PRSS54: variants seen among roughly 807,000 people sequenced by gnomAD.
PRSS54 encodes inactive serine protease 54.
Under a neutral mutation model 19.9 loss-of-function variants are expected in PRSS54, and 16 were observed. The ratio of observed to expected loss-of-function variants is 0.80; its 90% CI spans 0.54 to 1.22. PRSS54 has a LOEUF of 1.22. Ranked by LOEUF, PRSS54 falls within the 50% of genes most tolerant of loss-of-function variation. The pLI is 0.00. For synonymous variants in PRSS54, 177 were observed against 195.8 expected (o/e 0.90, Z 0.80); for missense variants, 444 against 494.8 (o/e 0.90, Z 0.97).
chr16:58,281,220 A>T (rs373124032), intron 6 of PRSS54: 1 of 165,484 alleles, frequency 6.0e-6, no homozygotes, highest in East Asian at 1.6e-4. Flanking sequence ...CCTACTCCCA[A>T]TGGAGCAGTC....
In PRSS54 at chr16:58,291,152, G is replaced by A. The variant is rs759187371; in HGVS notation, c.86-16C>T. ...ACGCCACAACCTGCGGAGCAGGTGC[G>A]GGGCCTCACTGCCGGGGCAAGGAGA... On this transcript the variant is annotated splice_polypyrimidine_tract_variant and intron_variant, in intron 3 of 6. Transcript: ENST00000567164. The A allele has an allele frequency of 6.2e-7, 1 of 1,611,582 alleles. No homozygotes were observed. Among genetic ancestry groups the A allele is most frequent in the Non-Finnish European group, 8.5e-7 (1 of 1,179,132 alleles).
intron 5 of PRSS54, among the ~76,000 whole-genome samples, chr16:58,285,646 A>C (rs143453026): frequency 1.3e-5 from 2 of 149,522 alleles, no homozygotes; most frequent in African/African-American, 4.9e-5. Context: ...GGGCTGAGGC[A>C]GGAAGATCAC....
chr16:58,286,958 AG>A (rs1186228151), intron 4 of PRSS54, among the ~76,000 whole-genome samples: 1 of 152,198 alleles, frequency 6.6e-6, no homozygotes, highest in Non-Finnish European at 1.5e-5. Flanking sequence ...AAAGGAGAAT[AG>A]GGCCCACAGA....
chr16:58,292,366 T>C (rs1412668499), intron 3 of PRSS54, among the ~76,000 whole-genome samples: 2 of 152,008 alleles, frequency 1.3e-5, no homozygotes, highest in Non-Finnish European at 2.9e-5. Flanking sequence ...TAGAGGGATA[T>C]GTGACACAGG....
intron 5 of PRSS54, chr16:58,285,188 C>T (rs9923981): frequency 0.62 from 96,258 of 155,824 alleles, 31,079 homozygotes; most frequent in African/African-American, 0.81. Context: ...AAAACTACCT[C>T]CACTTTGAAC....
Position 58,284,429 on chromosome 16 carries a change from C to G in PRSS54, c.654+161G>C, listed in dbSNP as rs990609430. On this transcript the variant is annotated intron_variant, in intron 6 of 6. Coordinates refer to ENST00000567164, the MANE Select transcript of PRSS54 (RefSeq NM_001305173.2). Reference sequence around the variant, plus strand: ...GTTCATTCAGCAGATTTTTATTGAGCGCATACTGTCTGCCAAGTGCTATTC... The same window carrying G: ...GTTCATTCAGCAGATTTTTATTGAGGGCATACTGTCTGCCAAGTGCTATTC... The G allele has an allele frequency of 2.2e-5, 15 of 680,430 alleles. No homozygotes were observed. In the Admixed American group the frequency reaches 3.4e-4, roughly 15 times the overall value. The allele number at this position is 680,430 out of a possible 1,614,324, so 42.1% of individuals were successfully genotyped here.
At chr16:58,285,102 G>A (rs372954913) in intron 5 of PRSS54, 71 of 165,910 alleles carry the variant, frequency 4.3e-4, no homozygotes, top group Non-Finnish European at 7.4e-4. Flanking sequence ...GGCATGAGCC[G>A]CTGTGCCCTG....
intron 3 of PRSS54, chr16:58,293,447 G>A (rs1040985397): frequency 1.6e-6 from 1 of 644,324 alleles, no homozygotes; most frequent in African/African-American, 2.0e-5. Flanking sequence ...GGCTGGGAGT[G>A]AAGAGGCAGG....
At chr16:58,284,817 A>AATT in intron 5 of PRSS54, 96 bp from the exon 6 acceptor site, 2 of 1,103,244 alleles carry the variant, frequency 1.8e-6, no homozygotes, top group Non-Finnish European at 2.5e-6. Context: ...GAGAGTGAGA[A>AATT]TTTTTTTTTT....
intron 6 of PRSS54, chr16:58,281,677 A>G (rs16960032): frequency 0.1 from 15,802 of 152,312 alleles, 911 homozygotes; most frequent in Admixed American, 0.13. Flanking sequence ...TGGAAGGCCC[A>G]GGCAATGACA....
At chr16:58,290,752 C>T (rs1260280248) in intron 4 of PRSS54, among the ~76,000 whole-genome samples, 2 of 152,182 alleles carry the variant, frequency 1.3e-5, no homozygotes, top group African/African-American at 4.8e-5. Flanking sequence ...TGCATTTTTC[C>T]GTTGCAAGGC....
At position 58,290,952 on chromosome 16, in the gene PRSS54, CA is replaced by C; in HGVS notation, c.263+6del. Reference sequence around the variant, plus strand: ...ATGTTGCGGGCCCCAAAGGCAGGGGCACTGGCCTGTTCTGAATGGCGGATGC... The same window carrying C: ...ATGTTGCGGGCCCCAAAGGCAGGGGCCTGGCCTGTTCTGAATGGCGGATGC... On this transcript the variant is annotated splice_donor_region_variant and intron_variant, in intron 4 of 6. Coordinates refer to ENST00000567164, the MANE Select transcript of PRSS54 (RefSeq NM_001305173.2). 1.9e-6 allele frequency: 3 copies of C among 1,613,970 alleles called. No homozygotes were observed. The South Asian group carries it at 3.3e-5, about 18-fold the overall frequency.
intron 6 of PRSS54, 90 bp from the exon 7 acceptor site, chr16:58,280,847 A>G (rs1964708941): frequency 1.6e-6 from 2 of 1,273,630 alleles, no homozygotes; most frequent in Non-Finnish European, 2.1e-6. Context: ...TGTTCTAGAA[A>G]TGTTTTACGC....
chr16:58,284,779 A>C, intron 5 of PRSS54, 58 bp from the exon 6 acceptor site: 1 of 1,603,870 alleles, frequency 6.2e-7, no homozygotes, highest in South Asian at 1.1e-5. Context: ...CCCCTATGTC[A>C]ACACAACTCC....
In PRSS54 at chr16:58,294,062, C is replaced by T. The variant is rs1448950476; in HGVS notation, c.-84G>A. 2.5e-5 allele frequency: 13 copies of T among 521,164 alleles called. No individual in the cohort carries two copies. Among genetic ancestry groups the T allele is most frequent in the Non-Finnish European group, 4.5e-5 (13 of 288,902 alleles). 32.3% of individuals were successfully genotyped at this position (521,164 alleles called of 1,614,324 possible). A position where few individuals can be genotyped will look rare whatever the true frequency, so the allele number is the denominator to read the frequency against. On this transcript the variant is annotated 5_prime_UTR_variant, in exon 2 of 7. Coordinates refer to ENST00000567164, the MANE Select transcript of PRSS54 (RefSeq NM_001305173.2). ...GCCCGCACTGTGGTTTGTGAGATGG[C>T]CAGAGAAGAGAGGGCAGCTTACTCT...
At position 58,291,140 on chromosome 16, in the gene PRSS54, C is replaced by A. The variant is rs773174141; in HGVS notation, c.86-4G>T. The A allele has an allele frequency of 3.5e-5, 56 of 1,613,242 alleles. 2 individuals are homozygous for A. In the Admixed American group the frequency reaches 7.3e-4, roughly 21 times the overall value. On this transcript the variant is annotated splice_polypyrimidine_tract_variant and splice_region_variant and intron_variant, in intron 3 of 6. Coordinates refer to ENST00000567164, the MANE Select transcript of PRSS54 (RefSeq NM_001305173.2). ...GAAGCTTTCTGGACGCCACAACCTGCGGAGCAGGTGCGGGGCCTCACTGCC... is the reference window on the plus strand; with the variant it reads ...GAAGCTTTCTGGACGCCACAACCTGAGGAGCAGGTGCGGGGCCTCACTGCC...
chr16:58,287,446 C>T (rs191671496), intron 4 of PRSS54, among the ~76,000 whole-genome samples: 116 of 152,288 alleles, frequency 7.6e-4, no homozygotes, highest in African/African-American at 2.6e-3. Context: ...TCTCTGGGCT[C>T]TAGGTGAGGG....
rs756193102 is a variant in PRSS54, at chr16:58,284,606, G to T, written c.638C>A (p.Thr213Asn). 6.2e-7 allele frequency: 1 copy of T among 1,613,962 alleles called. No homozygotes were observed. Among genetic ancestry groups the T allele is most frequent in the Non-Finnish European group, 8.5e-7 (1 of 1,179,924 alleles). ...TECGSHTKEETKTACLGDPGS... is the reference protein window; with the variant it reads ...TECGSHTKEENKTACLGDPGS... The stretch of plus-strand genomic sequence containing the variant: ...TGTTCTTACCAAGCAGGCAGTCTTG[G>T]TTTCCTCTTTCGTGTGGCTGCCGCA... The change falls in exon 6 of 7, where the codon ACC becomes AAC. Residue 213 changes from threonine (T) to asparagine (N), a missense_variant. Transcript: ENST00000567164.
At chr16:58,288,144 G>A (rs571844489) in intron 4 of PRSS54, among the ~76,000 whole-genome samples, 1 of 152,258 alleles carries the variant, frequency 6.6e-6, no homozygotes, top group East Asian at 1.9e-4. Context: ...ACTCTGTCTT[G>A]GCCATGCATG....
Sources: allele counts gnomAD v4.1 joint callset (sites outside exome capture counted in the v4.1 genomes callset), GRCh38; gene constraint gnomAD v4.1.1; transcripts MANE v1.5; gene names NCBI Gene and HGNC (gene_info 2026-07-23, HGNC 2026-07-21).